The following AOPEP variants were observed in gnomAD, a reference collection of about 807,000 sequenced individuals.
AOPEP encodes the protein aminopeptidase O.
A neutral mutation model predicts 98.1 loss-of-function variants in AOPEP; 77 were observed. The observed-to-expected ratio is 0.78, with a 90% CI of 0.65 to 0.95. AOPEP has a LOEUF of 0.95. AOPEP is among the 40% of genes least tolerant of loss of function. The pLI, the probability that AOPEP is intolerant of heterozygous loss-of-function variation, is 0.00. For synonymous variants in AOPEP, 346 were observed against 365.3 expected, an observed-to-expected ratio of 0.95 and a Z score of 0.60; for missense variants, 1,024 against 1,024.7, an observed-to-expected ratio of 1.00 and a Z score of 0.01.
At chr9:94,866,651 A>C (rs2045737326) in intron 5 of AOPEP, among the ~76,000 whole-genome samples, 1 of 152,234 alleles carries the variant, frequency 6.6e-6, no homozygotes, top group African/African-American at 2.4e-5. Context: ...ATCAGTATAT[A>C]GAATTGTAGG....
chr9:94,931,634 T>A, intron 7 of AOPEP: 1 of 900,708 alleles, frequency 1.1e-6, no homozygotes, highest in Non-Finnish European at 1.8e-6. Context: ...AGATGCTATC[T>A]TGTTCTTTCT....
intron 6 of AOPEP, among the ~76,000 whole-genome samples, chr9:94,925,196 G>A (rs142731164): frequency 0.011 from 1,620 of 152,232 alleles, 32 homozygotes; most frequent in African/African-American, 0.036. Context: ...TCGCCATATT[G>A]GCCAGTCTGG....
At chr9:94,902,625 C>T (rs1348037584) in intron 5 of AOPEP, among the ~76,000 whole-genome samples, 2 of 152,138 alleles carry the variant, frequency 1.3e-5, no homozygotes, top group South Asian at 4.1e-4. Context: ...AATTTAGGTA[C>T]ATACATTTTC....
At chr9:95,110,593 C>T in the AOPEP span, 7 of 1,036,594 alleles carry the variant, frequency 6.8e-6, no homozygotes, top group Non-Finnish European at 7.0e-6. Flanking sequence ...AACTATTTTT[C>T]TTTCCTATGC....
rs778467415 is a variant in AOPEP, at chr9:94,773,114, TTTG to T, written c.916_918del (p.Val306del). The T allele has an allele frequency of 1.9e-6, 3 of 1,614,010 alleles. No individual in the cohort carries two copies. Among genetic ancestry groups the T allele is most frequent in the Non-Finnish European group, 1.7e-6 (2 of 1,180,028 alleles). ...GGCTACAGTTCGAGCAGCTGCATCT[TTTG>T]TTGTTTTAATGAGTGGGGAAAATTC... is the stretch of plus-strand genomic sequence containing the variant. On this transcript the variant is annotated inframe_deletion, in exon 3 of 17. Transcript: ENST00000375315.
At chr9:95,065,830 T>G (rs978054940) in intron 14 of AOPEP, among the ~76,000 whole-genome samples, 1 of 152,226 alleles carries the variant, frequency 6.6e-6, no homozygotes, top group Admixed American at 6.5e-5. Flanking sequence ...TCTGGCTTAC[T>G]GGCCCATTGA....
intron 7 of AOPEP, chr9:94,931,831 T>C: frequency 6.6e-7 from 1 of 1,526,552 alleles, no homozygotes; most frequent in Non-Finnish European, 8.9e-7. Flanking sequence ...TTTCTCCTCC[T>C]GGCTTCTGTG....
At chr9:95,136,806 A>AC in the AOPEP span, among the ~76,000 whole-genome samples, 1 of 152,196 alleles carries the variant, frequency 6.6e-6, no homozygotes, top group East Asian at 1.9e-4. Flanking sequence ...TTGTGTAGCT[A>AC]CATTTGTTTC....
At chr9:94,882,921 C>T (rs1208573270) in intron 5 of AOPEP, among the ~76,000 whole-genome samples, 1 of 152,182 alleles carries the variant, frequency 6.6e-6, no homozygotes, top group African/African-American at 2.4e-5. Flanking sequence ...ATAAATTTAG[C>T]TGGAGTCTCA....
At chr9:94,797,354 C>G (rs1207732814) in intron 4 of AOPEP, among the ~76,000 whole-genome samples, 4 of 151,116 alleles carry the variant, frequency 2.6e-5, no homozygotes, top group Non-Finnish European at 5.9e-5. Flanking sequence ...TTGCTTGAAC[C>G]AGGGAGTCGG....
intron 3 of AOPEP, among the ~76,000 whole-genome samples, chr9:94,778,286 CTT>C (rs959459554): frequency 1.3e-5 from 2 of 152,138 alleles, no homozygotes; most frequent in Admixed American, 6.5e-5. Flanking sequence ...CAATTTTACT[CTT>C]GAGTATTTAC....
rs2045749243 is a variant in AOPEP, at chr9:94,866,773, A to G, written c.1365-57213A>G. Among the ~76,000 whole-genome samples the G allele has an allele frequency of 2.0e-5, 3 of 152,356 alleles. No individual in the cohort carries two copies. In the South Asian group the frequency reaches 6.2e-4, roughly 32 times the overall value. On this transcript the variant is annotated intron_variant, in intron 5 of 16. Transcript: ENST00000375315. ...TTTTACAAATAAAGCTTATTGGTTG[A>G]TTAAAAATACAGCCAGCATCAATGT...
At chr9:95,111,759 C>A in the AOPEP span, 1 of 1,086,626 alleles carries the variant, frequency 9.2e-7, no homozygotes, top group Non-Finnish European at 1.4e-6. Flanking sequence ...TGAAGTGCAA[C>A]CTGCAAGGAA....
At chr9:94,781,923 G>A (rs1466125577) in intron 3 of AOPEP, among the ~76,000 whole-genome samples, 2 of 151,356 alleles carry the variant, frequency 1.3e-5, no homozygotes, top group Non-Finnish European at 2.9e-5. Context: ...TGGGTGCCAT[G>A]GCTCACACCT....
At chr9:94,849,959 C>T (rs529163108) in intron 5 of AOPEP, among the ~76,000 whole-genome samples, 4 of 151,634 alleles carry the variant, frequency 2.6e-5, no homozygotes, top group South Asian at 4.2e-4. Flanking sequence ...CGCTTGAACC[C>T]GGGAGATGGA....
intron 5 of AOPEP, among the ~76,000 whole-genome samples, chr9:94,826,006 C>A (rs1004372620): frequency 6.6e-6 from 1 of 151,774 alleles, no homozygotes; most frequent in African/African-American, 2.4e-5. Context: ...TTAGCAAAAA[C>A]CTGTGACCCA....
intron 7 of AOPEP, among the ~76,000 whole-genome samples, chr9:94,937,475 C>T (rs985207290): frequency 6.6e-6 from 1 of 152,190 alleles, no homozygotes; most frequent in African/African-American, 2.4e-5. Context: ...CCCCTTGAAG[C>T]CCTCAACTGC....
the AOPEP span, chr9:95,107,384 G>T: frequency 8.9e-7 from 1 of 1,126,690 alleles, no homozygotes; most frequent in Non-Finnish European, 1.3e-6. Context: ...ACTGGCCCCT[G>T]AGAGAGGGAG....
chr9:94,812,054 G>A (rs1435162948), intron 5 of AOPEP, among the ~76,000 whole-genome samples: 1 of 152,150 alleles, frequency 6.6e-6, no homozygotes, highest in African/African-American at 2.4e-5. Context: ...CAGCTTCCTT[G>A]TCCAAGGAAG....
Sources: gnomAD v4.1 joint callset for allele counts (sites outside exome capture counted in the v4.1 genomes callset) on GRCh38, gnomAD v4.1.1 for gene constraint, MANE v1.5 for transcripts, NCBI Gene and HGNC (gene_info 2026-07-23, HGNC 2026-07-21) for gene names.